Variants in ABI1 observed in about 807,000 individuals in gnomAD.
ABI1 encodes Abelson interactor 1.
A neutral mutation model predicts 54.6 loss-of-function variants in ABI1; 14 were observed. The ratio of observed to expected loss-of-function variants is 0.26; its 90% CI spans 0.17 to 0.40. ABI1 has a LOEUF of 0.40. ABI1 is among the 10% of genes least tolerant of loss of function. The pLI is 1.00. For missense variants in ABI1, 443 were observed against 598.3 expected, an observed-to-expected ratio of 0.74 and a Z score of 2.71; for synonymous variants, 194 against 209.3, an observed-to-expected ratio of 0.93 and a Z score of 0.63.
chr10:26,812,032 C>T (rs1218738941), intron 2 of ABI1, among the ~76,000 whole-genome samples: 1 of 152,136 alleles, frequency 6.6e-6, no homozygotes, highest in African/African-American at 2.4e-5. Context: ...CTTATCGCCA[C>T]ATCATTCTAA....
At chr10:26,776,404 AATAGTTT>A (rs1196412510) in intron 3 of ABI1, among the ~76,000 whole-genome samples, 4 of 152,242 alleles carry the variant, frequency 2.6e-5, no homozygotes, top group African/African-American at 9.6e-5. Context: ...ATTTCAAAGG[AATAGTTT>A]ATCCTGAGCA....
chr10:26,852,039 G>A (rs1214890837), intron 1 of ABI1, among the ~76,000 whole-genome samples: 2 of 152,078 alleles, frequency 1.3e-5, no homozygotes, highest in Non-Finnish European at 2.9e-5. Flanking sequence ...AAAGTCTGTA[G>A]ACCCAGCTAC....
intron 1 of ABI1, among the ~76,000 whole-genome samples, chr10:26,826,342 G>T (rs1265071273): frequency 6.6e-6 from 1 of 152,162 alleles, no homozygotes; most frequent in African/African-American, 2.4e-5. Flanking sequence ...ATCCGAGCAG[G>T]TCTCAACAGT....
At chr10:26,852,217 C>T (rs1283570372) in intron 1 of ABI1, among the ~76,000 whole-genome samples, 5 of 152,318 alleles carry the variant, frequency 3.3e-5, no homozygotes, top group South Asian at 4.1e-4. Flanking sequence ...CGGTGGCTCA[C>T]GCCTGTAATC....
intron 2 of ABI1, among the ~76,000 whole-genome samples, chr10:26,806,688 G>T (rs1588934915): frequency 1.3e-5 from 2 of 152,112 alleles, no homozygotes; most frequent in East Asian, 3.8e-4. Context: ...AGTTAGAATG[G>T]TTTCTATCTC....
Position 26,771,077 on chromosome 10 carries a change from T to G in ABI1, c.475A>C (p.Lys159Gln). The change falls in exon 4 of 11, where the codon AAG becomes CAG. Residue 159 changes from lysine (K) to glutamine (Q), a missense_variant and splice_region_variant. Around this residue, in one of 2 missense-constraint regions of ABI1, gnomAD observed 394 missense variants for 484.8 expected, o/e 0.81. Coordinates refer to ENST00000376140, the MANE Select transcript of ABI1 (RefSeq NM_001012750.3). ...VGHGVKWLKA[K>Q]HGNNQPARTG... Reference sequence around the variant, plus strand: ...AAATGATAAGTAATGGCTCTTACCTTGGCTTTTAGCCACTTTACGTTGGCA... The same window carrying G: ...AAATGATAAGTAATGGCTCTTACCTGGGCTTTTAGCCACTTTACGTTGGCA... 1 of 1,613,690 alleles carries G rather than the reference T, an allele frequency of 6.2e-7. No individual in the cohort carries two copies. Among genetic ancestry groups the G allele is most frequent in the South Asian group, 1.1e-5 (1 of 91,066 alleles).
At chr10:26,758,396 G>C (rs1838630810) in intron 8 of ABI1, among the ~76,000 whole-genome samples, 1 of 151,988 alleles carries the variant, frequency 6.6e-6, no homozygotes, top group Admixed American at 6.6e-5. Context: ...TGATATTAAT[G>C]ACTACCCTAC....
At chr10:26,849,082 T>C (rs1055837361) in intron 1 of ABI1, among the ~76,000 whole-genome samples, 2 of 152,204 alleles carry the variant, frequency 1.3e-5, no homozygotes, top group Admixed American at 1.3e-4. Context: ...TGTTGTCTAG[T>C]GTGTTCTGCA....
chr10:26,845,841 C>A (rs1175718390), intron 1 of ABI1, among the ~76,000 whole-genome samples: 1 of 151,954 alleles, frequency 6.6e-6, no homozygotes, highest in Non-Finnish European at 1.5e-5. Flanking sequence ...AGTTCAGGCA[C>A]TGAAGATTTT....
At chr10:26,778,503 A>G (rs1242041486) in intron 2 of ABI1, among the ~76,000 whole-genome samples, 4 of 152,022 alleles carry the variant, frequency 2.6e-5, no homozygotes, top group African/African-American at 9.7e-5. Flanking sequence ...AAAAAGAAAA[A>G]AAAAAAAAAA....
At chr10:26,841,657 T>A (rs200355047) in intron 1 of ABI1, among the ~76,000 whole-genome samples, 2 of 150,932 alleles carry the variant, frequency 1.3e-5, no homozygotes, top group African/African-American at 4.9e-5. Flanking sequence ...TTTTTTTTTA[T>A]TTTTTTTAAG....
chr10:26,855,103 T>G (rs1564592309), intron 1 of ABI1, among the ~76,000 whole-genome samples: 1 of 152,154 alleles, frequency 6.6e-6, no homozygotes, highest in Non-Finnish European at 1.5e-5. Context: ...AATGCAAACA[T>G]TCCAAAATTC....
chr10:26,816,492 C>G (rs959684018), intron 2 of ABI1, among the ~76,000 whole-genome samples: 6 of 151,984 alleles, frequency 3.9e-5, no homozygotes, highest in Non-Finnish European at 8.8e-5. Context: ...CATTTAAAAT[C>G]CAAAGGATAA....
rs772279539 is a variant in ABI1, at chr10:26,759,160, G to A, written c.899C>T (p.Ser300Leu). ...QISRHNSTTSSTSSGGYRRTP... is the reference protein window; with the variant it reads ...QISRHNSTTSLTSSGGYRRTP... ...TCGTCTGTATCCACCAGAAGATGTC[G>A]AAGAAGTAGTAGAGTTGTGTCGAGA... Residue 300 changes from serine (S) to leucine (L), a missense_variant, in exon 8 of 11, where the codon TCG (serine) becomes TTG (leucine). Physicochemically the swap from Ser to Leu is moderately radical, Grantham distance 145. Coordinates refer to ENST00000376140, the MANE Select transcript of ABI1 (RefSeq NM_001012750.3). 6.8e-6 allele frequency: 11 copies of A among 1,613,958 alleles called. No individual in the cohort carries two copies. Among genetic ancestry groups the A allele is most frequent in the African/African-American group, 4.0e-5 (3 of 74,896 alleles).
intron 1 of ABI1, among the ~76,000 whole-genome samples, chr10:26,854,340 T>C (rs2050643148): frequency 6.9e-6 from 1 of 144,176 alleles, no homozygotes; most frequent in African/African-American, 2.7e-5. Context: ...TATTATATAG[T>C]CCTAAAAATA....
intron 2 of ABI1, among the ~76,000 whole-genome samples, chr10:26,807,402 A>G (rs2046945653): frequency 6.6e-6 from 1 of 152,012 alleles, no homozygotes; most frequent in Non-Finnish European, 1.5e-5. Context: ...GCTTCACCTG[A>G]GCCTAGGAAG....
At chr10:26,757,393 A>G (rs1240624987) in intron 8 of ABI1, among the ~76,000 whole-genome samples, 1 of 145,842 alleles carries the variant, frequency 6.9e-6, no homozygotes, top group Admixed American at 6.9e-5. Context: ...TAAAACTATA[A>G]AACTATGTAT....
At chr10:26,835,259 G>A (rs2048987011) in intron 1 of ABI1, among the ~76,000 whole-genome samples, 1 of 151,968 alleles carries the variant, frequency 6.6e-6, no homozygotes, top group East Asian at 1.9e-4. Flanking sequence ...TCATTATGAA[G>A]AACAATATGA....
At chr10:26,807,185 T>C (rs2133472308) in intron 2 of ABI1, among the ~76,000 whole-genome samples, 1 of 152,282 alleles carries the variant, frequency 6.6e-6, no homozygotes, top group East Asian at 1.9e-4. Context: ...AAAAAATGTT[T>C]ACAGTAGGCC....
Sources: allele counts gnomAD v4.1 joint callset (sites outside exome capture counted in the v4.1 genomes callset), GRCh38; gene constraint gnomAD v4.1.1; regional missense constraint gnomAD v4.1.1; transcripts MANE v1.5; gene names NCBI Gene and HGNC (gene_info 2026-07-23, HGNC 2026-07-21).